THTPA: variants seen among roughly 807,000 people sequenced by gnomAD.
The protein encoded by THTPA is thiamine triphosphatase, also known as thiamine-triphosphatase.
In THTPA, 16 loss-of-function variants were observed where a neutral mutation model predicts 16.5. The observed-to-expected ratio is 0.97, with a 90% CI of 0.66 to 1.47. THTPA has a LOEUF of 1.47. Among genes scored for constraint, THTPA ranks in the 40% most tolerant of loss-of-function variants. THTPA has a pLI of 0.00. For synonymous variants in THTPA, 110 were observed against 115.5 expected, an observed-to-expected ratio of 0.95 and a Z score of 0.30; for missense variants, 281 against 280.9, an observed-to-expected ratio of 1.00 and a Z score of 0.00.
the THTPA span, chr14:23,533,659 G>A: frequency 6.5e-7 from 1 of 1,537,412 alleles, no homozygotes. The surrounding 1 kb of genome is among the most constrained non-coding windows in gnomAD (Gnocchi z 4.8). Context: ...TCCCGCGGAG[G>A]GTGGGAGTGA....
At chr14:23,536,123 G>A in the THTPA span, among the ~76,000 whole-genome samples, 1 of 152,188 alleles carries the variant, frequency 6.6e-6, no homozygotes, top group Non-Finnish European at 1.5e-5. Context: ...ACAGAAGGCA[G>A]GCCATTATCA....
the THTPA span, among the ~76,000 whole-genome samples, chr14:23,550,411 T>G: frequency 7.9e-5 from 12 of 152,186 alleles, no homozygotes; most frequent in Non-Finnish European, 1.5e-4. Flanking sequence ...CATGGAATCC[T>G]AGACCGACAG....
chr14:23,523,672 G>A, the THTPA span: 2 of 1,540,728 alleles, frequency 1.3e-6, no homozygotes, highest in Non-Finnish European at 1.7e-6. This position sits in a 1 kb window ranked among gnomAD's most constrained non-coding sequence, Gnocchi z 4.1. Flanking sequence ...CCTGCATGGT[G>A]GGGGTGCGGT....
the THTPA span, among the ~76,000 whole-genome samples, chr14:23,544,681 G>A: frequency 1.4e-4 from 21 of 152,316 alleles, no homozygotes; most frequent in Middle Eastern, 0.02. Context: ...TTACTGGGAT[G>A]GCCCAGCCCT....
At chr14:23,526,480 A>G in the THTPA span, 1 of 1,536,088 alleles carries the variant, frequency 6.5e-7, no homozygotes, top group South Asian at 1.2e-5. Flanking sequence ...GGAGCTCCCC[A>G]GTGGTCCCCT....
the THTPA span, chr14:23,533,753 T>C: frequency 3.2e-6 from 5 of 1,556,880 alleles, no homozygotes; most frequent in African/African-American, 2.7e-5. The surrounding 1 kb of genome is among the most constrained non-coding windows in gnomAD (Gnocchi z 4.8). Flanking sequence ...TGCATATGGA[T>C]GCTGAGGTTG....
At chr14:23,531,831 G>A in the THTPA span, 1 of 1,236,836 alleles carries the variant, frequency 8.1e-7, no homozygotes, top group Non-Finnish European at 1.0e-6. Flanking sequence ...AGGCTGGAGT[G>A]CAGTGGCATG....
chr14:23,555,070 C>T (rs930990892), upstream of THTPA, among the ~76,000 whole-genome samples: 1 of 152,200 alleles, frequency 6.6e-6, no homozygotes, highest in Non-Finnish European at 1.5e-5. Context: ...TCACTGCAAC[C>T]TCTGCCTCCC....
At chr14:23,539,930 T>C in the THTPA span, among the ~76,000 whole-genome samples, 1 of 152,208 alleles carries the variant, frequency 6.6e-6, no homozygotes, top group Admixed American at 6.5e-5. Flanking sequence ...CGAAGTGAAG[T>C]CTATCAGGGC....
the THTPA span, chr14:23,520,912 T>C: frequency 6.6e-6 from 1 of 152,124 alleles, no homozygotes. The surrounding 1 kb of genome is among the most constrained non-coding windows in gnomAD (Gnocchi z 8.7). Context: ...TTTACGTTTT[T>C]CTTTAGTTCA....
At chr14:23,527,822 G>A in the THTPA span, 2 of 1,534,728 alleles carry the variant, frequency 1.3e-6, no homozygotes, top group Non-Finnish European at 1.7e-6. Context: ...GAACATATGG[G>A]CAGTGGACGA....
chr14:23,548,793 G>A, the THTPA span, among the ~76,000 whole-genome samples: 1 of 152,052 alleles, frequency 6.6e-6, no homozygotes, highest in African/African-American at 2.4e-5. Flanking sequence ...CTCTTCTGGG[G>A]CTTCGCCCAG....
the THTPA span, chr14:23,543,129 A>G: frequency 6.6e-6 from 1 of 152,252 alleles, no homozygotes; most frequent in Non-Finnish European, 1.5e-5. Context: ...TATTACAACA[A>G]AAACTAATTG....
chr14:23,528,716 T>G, the THTPA span: 15 of 985,426 alleles, frequency 1.5e-5, no homozygotes, highest in African/African-American at 1.9e-4. Flanking sequence ...TTCTTTTTCC[T>G]AATGTGAATA....
the THTPA span, among the ~76,000 whole-genome samples, chr14:23,540,627 CA>C: frequency 2.0e-5 from 3 of 152,218 alleles, no homozygotes; most frequent in Admixed American, 2.0e-4. Flanking sequence ...TGGATCCACA[CA>C]CAGAGAGCCA....
rs756502368 is a variant in THTPA, at chr14:23,559,775, T to C, written c.*935T>C. ...TACTGCCACGATTCCACAGGCAAGT[T>C]GTTCACCTCAAAGATCTCCTGCACC... On this transcript the variant is annotated 3_prime_UTR_variant, in exon 2 of 2. Coordinates refer to ENST00000288014, the MANE Select transcript of THTPA (RefSeq NM_024328.6). 3 of 1,614,104 alleles carry C rather than the reference T, an allele frequency of 1.9e-6. No individual in the cohort carries two copies. The South Asian group carries it at 3.3e-5, about 18-fold the overall frequency.
the THTPA span, chr14:23,531,665 G>A: frequency 6.7e-7 from 1 of 1,494,958 alleles, no homozygotes; most frequent in Non-Finnish European, 8.9e-7. Flanking sequence ...CACACAACAG[G>A]CAGTGGTATA....
the THTPA span, among the ~76,000 whole-genome samples, chr14:23,515,483 A>C: frequency 2.0e-4 from 31 of 152,214 alleles, no homozygotes. Flanking sequence ...CATCCCAAGA[A>C]GGGAGATTGA....
At chr14:23,515,661 G>T in the THTPA span, among the ~76,000 whole-genome samples, 1 of 152,186 alleles carries the variant, frequency 6.6e-6, no homozygotes, top group African/African-American at 2.4e-5. Flanking sequence ...AGAAGATCTG[G>T]AAGATTTGGC....
Sources: gnomAD v4.1 joint callset for allele counts (sites outside exome capture counted in the v4.1 genomes callset) on GRCh38, gnomAD v4.1.1 for gene constraint, Gnocchi (gnomAD v3.1) non-coding constraint, MANE v1.5 for transcripts, NCBI Gene and HGNC (gene_info 2026-07-23, HGNC 2026-07-21) for gene names.